LCORL: variants seen among roughly 807,000 people sequenced by gnomAD.
LCORL encodes ligand dependent nuclear receptor corepressor like.
LCORL carries 41 observed loss-of-function variants against 141.8 expected under a neutral mutation model. That is an observed-to-expected ratio of 0.29 (90% confidence interval 0.23 to 0.38). LCORL has a LOEUF of 0.38. Ranked by LOEUF, LCORL falls within the 10% of genes least tolerant of loss-of-function variation. The pLI is 1.00. For synonymous variants in LCORL, 618 were observed against 694.1 expected (o/e 0.89, Z 1.72); for missense variants, 1,759 against 2,035.0 (o/e 0.86, Z 2.61).
intron 4 of LCORL, among the ~76,000 whole-genome samples, chr4:17,959,965 G>A (rs1713457356): frequency 1.3e-5 from 2 of 152,092 alleles, no homozygotes; most frequent in Admixed American, 1.3e-4. Context: ...TAACAAAGGA[G>A]TTAAGACCAT....
In LCORL at chr4:17,920,690, C is replaced by T. The variant is rs187075297; in HGVS notation, c.431-11345G>A. On this transcript the variant is annotated intron_variant, in intron 4 of 7. Transcript: ENST00000635767. ...CACTCCTTTATCAACTAAGTTTATG[C>T]GATATTCTAAATCCTTTGGTGTCAT... 3.6e-3 allele frequency among the ~76,000 whole-genome samples: 555 copies of T among 152,324 alleles called. 4 individuals are homozygous for T. Among genetic ancestry groups the T allele is most frequent in the African/African-American group, 0.012 (502 of 41,570 alleles).
intron 4 of LCORL, among the ~76,000 whole-genome samples, chr4:17,956,997 A>G (rs191893739): frequency 6.6e-6 from 1 of 152,118 alleles, no homozygotes; most frequent in East Asian, 1.9e-4. Flanking sequence ...GGGATAGGTA[A>G]AATTAGATTT....
chr4:17,969,055 G>A (rs1715459155), intron 2 of LCORL, among the ~76,000 whole-genome samples: 1 of 152,156 alleles, frequency 6.6e-6, no homozygotes, highest in African/African-American at 2.4e-5. Flanking sequence ...AAAATCAGAT[G>A]GCCCCAACCA....
chr4:17,940,372 C>G (rs1240877257), intron 4 of LCORL, among the ~76,000 whole-genome samples: 2 of 146,232 alleles, frequency 1.4e-5, no homozygotes, highest in Admixed American at 1.4e-4. Flanking sequence ...TTCTCTGAAT[C>G]ATGTTTTTAA....
At chr4:17,843,210 A>T in exon 8 of LCORL, 1 of 1,378,634 alleles carries the variant, frequency 7.3e-7, no homozygotes, top group Non-Finnish European at 9.9e-7. Flanking sequence ...AAACACTGAT[A>T]GAATGTGAGT....
chr4:17,893,135 C>G (rs1239873185), intron 5 of LCORL: 2 of 152,432 alleles, frequency 1.3e-5, no homozygotes, highest in African/African-American at 4.8e-5. Context: ...ACCTACTTAC[C>G]AGTGTCAACC....
At chr4:18,018,335 A>G (rs991559309) in intron 1 of LCORL, among the ~76,000 whole-genome samples, 1 of 152,186 alleles carries the variant, frequency 6.6e-6, no homozygotes, top group African/African-American at 2.4e-5. Context: ...GACATGAGCT[A>G]CTGAAAACTA....
intron 1 of LCORL, among the ~76,000 whole-genome samples, chr4:17,982,101 TG>T (rs1718094005): frequency 3.3e-5 from 1 of 30,338 alleles, no homozygotes; most frequent in South Asian, 1.2e-3. Context: ...TATTCCATCG[TG>T]TGTGTGTGTG....
chr4:17,849,913 G>A (rs539197786), intron 7 of LCORL, among the ~76,000 whole-genome samples: 2 of 151,770 alleles, frequency 1.3e-5, no homozygotes, highest in African/African-American at 4.8e-5. Context: ...AAACAGCATG[G>A]TACTGGTACC....
intron 4 of LCORL, among the ~76,000 whole-genome samples, chr4:17,937,870 A>G (rs1737124366): frequency 6.6e-6 from 1 of 152,168 alleles, no homozygotes; most frequent in Non-Finnish European, 1.5e-5. Flanking sequence ...CAGCCAGGGG[A>G]GTCATTTGAC....
intron 4 of LCORL, among the ~76,000 whole-genome samples, chr4:17,937,175 A>G (rs1018511251): frequency 6.6e-6 from 1 of 152,188 alleles, no homozygotes; most frequent in Non-Finnish European, 1.5e-5. Context: ...GCTCTGGGTT[A>G]ACATTTTAGT....
At chr4:17,860,793 A>C (rs1332046706) in intron 7 of LCORL, among the ~76,000 whole-genome samples, 1 of 152,206 alleles carries the variant, frequency 6.6e-6, no homozygotes, top group Non-Finnish European at 1.5e-5. Flanking sequence ...AGCCATTCCA[A>C]ATTGGAGACA....
At chr4:17,942,386 AACT>A (rs1307402540) in intron 4 of LCORL, among the ~76,000 whole-genome samples, 3 of 152,180 alleles carry the variant, frequency 2.0e-5, no homozygotes, top group African/African-American at 7.2e-5. Context: ...CTTAATAATC[AACT>A]ACCAAGACTC....
At chr4:17,965,944 G>C (rs1490799767) in intron 2 of LCORL, among the ~76,000 whole-genome samples, 2 of 151,920 alleles carry the variant, frequency 1.3e-5, no homozygotes, top group East Asian at 3.9e-4. Context: ...AAAGTTCAGT[G>C]AAAAATGAAA....
At chr4:17,888,324 A>G (rs1179860925) in intron 5 of LCORL, among the ~76,000 whole-genome samples, 1 of 152,054 alleles carries the variant, frequency 6.6e-6, no homozygotes, top group Non-Finnish European at 1.5e-5. Flanking sequence ...ATTATTAAAT[A>G]CAGTTTATTG....
intron 7 of LCORL, among the ~76,000 whole-genome samples, chr4:17,854,515 T>A (rs1229064925): frequency 6.6e-6 from 1 of 152,158 alleles, no homozygotes; most frequent in Non-Finnish European, 1.5e-5. Flanking sequence ...AGATTAAATT[T>A]GTGTAGACAG....
chr4:17,917,965 C>T (rs1220808039), intron 4 of LCORL, among the ~76,000 whole-genome samples: 2 of 152,130 alleles, frequency 1.3e-5, no homozygotes, highest in Non-Finnish European at 2.9e-5. Context: ...CAAAACAAAA[C>T]AAAACAAAAC....
At chr4:17,987,278 GC>G (rs2109756338) in intron 1 of LCORL, among the ~76,000 whole-genome samples, 1 of 152,032 alleles carries the variant, frequency 6.6e-6, no homozygotes, top group South Asian at 2.1e-4. Context: ...CTATACATTT[GC>G]CTTTTCTGAT....
exon 8 of LCORL, chr4:17,841,299 A>T (rs1330595528): frequency 6.6e-6 from 1 of 151,994 alleles, no homozygotes; most frequent in African/African-American, 2.4e-5. Flanking sequence ...AGGAACACTA[A>T]TAATCCCACC....
Sources: gnomAD v4.1 joint callset for allele counts (sites outside exome capture counted in the v4.1 genomes callset) on GRCh38, gnomAD v4.1.1 for gene constraint, MANE v1.5 for transcripts, NCBI Gene and HGNC (gene_info 2026-07-23, HGNC 2026-07-21) for gene names.